TTBK2: variants seen among roughly 807,000 people sequenced by gnomAD.
TTBK2 encodes tau-tubulin kinase 2.
Under a neutral mutation model 110.8 loss-of-function variants are expected in TTBK2, and 28 were observed. That is an observed-to-expected ratio of 0.25 (90% CI 0.19 to 0.35). The LOEUF is 0.35. TTBK2 is among the 10% of genes least tolerant of loss of function. The pLI is 1.00. For synonymous variants in TTBK2, 532 were observed against 527.3 expected, an observed-to-expected ratio of 1.01 and a Z score of -0.12; for missense variants, 1,369 against 1,500.3, an observed-to-expected ratio of 0.91 and a Z score of 1.45.
intron 2 of TTBK2, among the ~76,000 whole-genome samples, chr15:42,876,845 A>G (rs2141128179): frequency 6.6e-6 from 1 of 152,330 alleles, no homozygotes; most frequent in South Asian, 2.1e-4. Context: ...TGTCAAAAGA[A>G]CTCAGAAGAC....
rs544296050 is a variant in TTBK2 at position 42,751,782 on chromosome 15, T to C, written c.3272+192A>G. Among the ~76,000 whole-genome samples, 13 of 152,290 alleles carry C rather than the reference T, an allele frequency of 8.5e-5. No individual in the cohort carries two copies. The East Asian group carries it at 2.5e-3, about 29-fold the overall frequency. On this transcript the variant is annotated intron_variant, in intron 14 of 14. Transcript: ENST00000267890. Reference sequence around the variant, plus strand: ...ACAAAAGATGCTAAATTTTATGTTATGTGTATTTTACCGCAATAAATTGGA... The same window carrying C: ...ACAAAAGATGCTAAATTTTATGTTACGTGTATTTTACCGCAATAAATTGGA...
chr15:42,857,786 A>C (rs1894002466), intron 3 of TTBK2, among the ~76,000 whole-genome samples: 1 of 152,094 alleles, frequency 6.6e-6, no homozygotes. Flanking sequence ...TGCTCTAGTA[A>C]GTACAAGTTA....
chr15:42,851,249 GAAA>G (rs761411827), intron 3 of TTBK2, among the ~76,000 whole-genome samples: 1 of 100,200 alleles, frequency 1.0e-5, no homozygotes, highest in Admixed American at 1.0e-4. Flanking sequence ...CTCTGTCTCA[GAAA>G]AAAAAAAAAA....
At chr15:42,870,231 T>C (rs2141110895) in intron 3 of TTBK2, among the ~76,000 whole-genome samples, 1 of 152,128 alleles carries the variant, frequency 6.6e-6, no homozygotes, top group African/African-American at 2.4e-5. Context: ...CATTAGAGAA[T>C]TGCAGGTTAC....
chr15:42,825,423 G>A (rs1231037399), intron 6 of TTBK2, among the ~76,000 whole-genome samples: 2 of 152,136 alleles, frequency 1.3e-5, no homozygotes, highest in Non-Finnish European at 2.9e-5. Context: ...CAGTTCCTGG[G>A]CCTGAGTTCA....
At chr15:42,779,451 G>A (rs1000846732) in intron 11 of TTBK2, among the ~76,000 whole-genome samples, 2 of 149,164 alleles carry the variant, frequency 1.3e-5, no homozygotes, top group East Asian at 2.0e-4. Flanking sequence ...AAAAACCCCC[G>A]ACTTTATATT....
At chr15:42,888,042 A>G (rs1408720055) in intron 1 of TTBK2, among the ~76,000 whole-genome samples, 1 of 152,084 alleles carries the variant, frequency 6.6e-6, no homozygotes, top group African/African-American at 2.4e-5. Context: ...ATTCTTACAC[A>G]AGAGCCGGGA....
At chr15:42,756,995 C>T (rs2140631382) in intron 13 of TTBK2, among the ~76,000 whole-genome samples, 1 of 152,252 alleles carries the variant, frequency 6.6e-6, no homozygotes, top group African/African-American at 2.4e-5. Context: ...GCATAAACTA[C>T]TCTCATATAA....
At chr15:42,807,850 C>T (rs942022024) in intron 9 of TTBK2, among the ~76,000 whole-genome samples, 2 of 152,116 alleles carry the variant, frequency 1.3e-5, no homozygotes, top group Non-Finnish European at 2.9e-5. Context: ...TTTATTTTAA[C>T]AGACAGAAAA....
intron 13 of TTBK2, among the ~76,000 whole-genome samples, chr15:42,761,225 A>G (rs568815949): frequency 5.7e-4 from 87 of 152,334 alleles, no homozygotes; most frequent in African/African-American, 2.0e-3. Context: ...AAACTACAAA[A>G]CTACTAGAAG....
In TTBK2 at chr15:42,866,460, A is replaced by G. The variant is rs1387221152; in HGVS notation, c.217+6151T>C. On this transcript the variant is annotated intron_variant, in intron 3 of 14. Transcript: ENST00000267890. Reference sequence around the variant, plus strand: ...CTGTAAGGAGAAAGATGAATGCACTATTATAGCTGGAGACTTCAAAACTCT... The same window carrying G: ...CTGTAAGGAGAAAGATGAATGCACTGTTATAGCTGGAGACTTCAAAACTCT... Among the ~76,000 whole-genome samples the G allele has an allele frequency of 2.0e-5, 3 of 152,208 alleles. No individual in the cohort carries two copies. In the East Asian group the frequency reaches 5.8e-4, roughly 29 times the overall value.
intron 3 of TTBK2, among the ~76,000 whole-genome samples, chr15:42,850,646 T>C (rs1893659280): frequency 6.6e-6 from 1 of 152,072 alleles, no homozygotes; most frequent in African/African-American, 2.4e-5. Flanking sequence ...TAATTAAAAA[T>C]TAAAAATAAA....
intron 1 of TTBK2, among the ~76,000 whole-genome samples, chr15:42,890,123 T>A (rs1895396656): frequency 6.6e-6 from 1 of 152,192 alleles, no homozygotes; most frequent in African/African-American, 2.4e-5. Flanking sequence ...TTAAGAAGGT[T>A]CTTTGTAATT....
At chr15:42,886,570 C>G (rs780469850) in intron 1 of TTBK2, among the ~76,000 whole-genome samples, 2 of 152,114 alleles carry the variant, frequency 1.3e-5, no homozygotes, top group African/African-American at 2.4e-5. Context: ...TTACCCAATC[C>G]GCTCCCGACA....
At chr15:42,784,348 G>A (rs1210719197) in intron 10 of TTBK2, among the ~76,000 whole-genome samples, 1 of 151,964 alleles carries the variant, frequency 6.6e-6, no homozygotes, top group Admixed American at 6.6e-5. Flanking sequence ...CGCGATCTCG[G>A]CTCACTGAAA....
At position 42,886,782 on chromosome 15, in the gene TTBK2, TC is replaced by T. The variant is rs545811057; in HGVS notation, c.-67-8099del. ...GGTCAGGCGTTCCTTCAGGACTTCC[TC>T]CCCCAGGATCTTGCTTCAAGTGCCG... On this transcript the variant is annotated intron_variant, in intron 1 of 14. Coordinates refer to ENST00000267890, the MANE Select transcript of TTBK2 (RefSeq NM_173500.4). Among the ~76,000 whole-genome samples, 33 of 152,222 alleles carry T rather than the reference TC, an allele frequency of 2.2e-4. No individual in the cohort carries two copies. The East Asian group carries it at 5.8e-3, about 27-fold the overall frequency.
intron 9 of TTBK2, among the ~76,000 whole-genome samples, chr15:42,799,262 C>T (rs1392582650): frequency 2.6e-5 from 4 of 151,688 alleles, no homozygotes; most frequent in East Asian, 2.0e-4. Context: ...CCCAGCTACT[C>T]GGGAGGCTGA....
At chr15:42,792,580 T>C (rs781320660) in intron 10 of TTBK2, among the ~76,000 whole-genome samples, 3 of 152,224 alleles carry the variant, frequency 2.0e-5, no homozygotes, top group Non-Finnish European at 2.9e-5. Context: ...TATTTATTTA[T>C]TTATTTTTTG....
In TTBK2 at chr15:42,817,187, C is replaced by T. The variant is rs7182753; in HGVS notation, c.538-90G>A. ...AACCATGAAGTAAATGGAAGAAACA[C>T]GTCCTTTATTGTCACAATAAAACAC... On this transcript the variant is annotated intron_variant, in intron 6 of 14. Transcript: ENST00000267890. 0.33 allele frequency: 312,061 copies of T among 938,066 alleles called. 64,038 individuals carry two copies. The highest frequency in any genetic ancestry group is 0.86 in the African/African-American group (50,638 of 58,812). The allele number at this position is 938,066 out of a possible 1,614,324, so 58.1% of individuals were successfully genotyped here.
Sources: gnomAD v4.1 joint callset for allele counts (sites outside exome capture counted in the v4.1 genomes callset) on GRCh38, gnomAD v4.1.1 for gene constraint, MANE v1.5 for transcripts, NCBI Gene and HGNC (gene_info 2026-07-23, HGNC 2026-07-21) for gene names.